Variants in PLCZ1 observed in about 807,000 individuals in gnomAD.
The protein encoded by PLCZ1 is 1-phosphatidylinositol 4,5-bisphosphate phosphodiesterase zeta-1.
In PLCZ1, 64 loss-of-function variants were observed where a neutral mutation model predicts 76.8. The ratio of observed to expected loss-of-function variants is 0.83; its 90% CI spans 0.68 to 1.03. The LOEUF (loss-of-function observed/expected upper bound fraction) is 1.03. PLCZ1 is among the 50% of genes least tolerant of loss of function. PLCZ1 has a pLI of 0.00. For synonymous variants in PLCZ1, 248 were observed against 230.8 expected, an observed-to-expected ratio of 1.07 and a Z score of -0.68; for missense variants, 751 against 713.7, an observed-to-expected ratio of 1.05 and a Z score of -0.60.
At chr12:18,711,483 A>G (rs929762399) in intron 6 of PLCZ1, among the ~76,000 whole-genome samples, 6 of 150,888 alleles carry the variant, frequency 4.0e-5, no homozygotes, top group Non-Finnish European at 7.4e-5. Context: ...ATGTATCCAT[A>G]TGTAACAAAC....
chr12:18,708,216 A>G (rs1456309272), intron 6 of PLCZ1, among the ~76,000 whole-genome samples: 1 of 152,044 alleles, frequency 6.6e-6, no homozygotes, highest in Non-Finnish European at 1.5e-5. Flanking sequence ...TTGGTTATCT[A>G]TCTCTGTACA....
At chr12:18,669,246 C>T in the PLCZ1 span, among the ~76,000 whole-genome samples, 1 of 152,134 alleles carries the variant, frequency 6.6e-6, no homozygotes, top group Non-Finnish European at 1.5e-5. Context: ...GACATGAAGT[C>T]AGGCAATCAA....
At chr12:18,705,052 G>A in intron 7 of PLCZ1, 114 bp downstream of exon 7, 1 of 1,315,734 alleles carries the variant, frequency 7.6e-7, no homozygotes, top group East Asian at 2.3e-5. Context: ...CTCTATACGT[G>A]ATCAAAACTA....
Position 18,688,137 on chromosome 12 carries a change from C to T in PLCZ1, c.1543G>A (p.Val515Ile). 6.2e-7 allele frequency: 1 copy of T among 1,611,550 alleles called. No individual in the cohort carries two copies. Among genetic ancestry groups the T allele is most frequent in the Non-Finnish European group, 8.5e-7 (1 of 1,179,024 alleles). The change falls in exon 13 of 15, where the codon GTT (valine) becomes ATT (isoleucine). Residue 515 changes from valine (V) to isoleucine (I), a missense_variant. Val to Ile is a conservative substitution (Grantham distance 29). Transcript: ENST00000266505. Reference sequence around the variant, plus strand: ...TGCTGCTTCATTTGATCATTTGGAACACCAAAAACTTCTATAATTACTAAT... The same window carrying T: ...TGCTGCTTCATTTGATCATTTGGAATACCAAAAACTTCTATAATTACTAAT... ...DSLVIIEVFG[V>I]PNDQMKQQTR...
At chr12:18,723,259 A>C in intron 4 of PLCZ1, 52 bp downstream of exon 4, 1 of 1,485,976 alleles carries the variant, frequency 6.7e-7, no homozygotes, top group Non-Finnish European at 9.1e-7. Flanking sequence ...TGAAAAAAGA[A>C]AAAATACTTC....
At chr12:18,678,467 T>C (rs1952145154), downstream of PLCZ1, among the ~76,000 whole-genome samples, 1 of 151,992 alleles carries the variant, frequency 6.6e-6, no homozygotes, top group Non-Finnish European at 1.5e-5. Context: ...AACACTTCCA[T>C]CCATGCCAAA....
At chr12:18,698,889 T>C (rs76505898) in intron 10 of PLCZ1, among the ~76,000 whole-genome samples, 2 of 152,138 alleles carry the variant, frequency 1.3e-5, no homozygotes. Context: ...AACTATAGTT[T>C]TGTATCCATT....
intron 12 of PLCZ1, among the ~76,000 whole-genome samples, chr12:18,689,552 C>A (rs555133573): frequency 4.8e-4 from 73 of 152,244 alleles, no homozygotes; most frequent in African/African-American, 1.7e-3. Context: ...ATATTGGACA[C>A]CCCTGGTTTA....
chr12:18,710,249 A>C (rs1233516477), intron 6 of PLCZ1, among the ~76,000 whole-genome samples: 1 of 149,902 alleles, frequency 6.7e-6, no homozygotes, highest in African/African-American at 2.5e-5. Context: ...TTTGAATTTT[A>C]AGACTGTCAC....
At chr12:18,668,441 C>G in the PLCZ1 span, among the ~76,000 whole-genome samples, 18 of 152,308 alleles carry the variant, frequency 1.2e-4, no homozygotes, top group East Asian at 3.5e-3. Context: ...GGAACCCAAC[C>G]TACACACATG....
the PLCZ1 span, among the ~76,000 whole-genome samples, chr12:18,675,313 T>C: frequency 6.6e-6 from 1 of 152,108 alleles, no homozygotes. Flanking sequence ...AGCCACTCTG[T>C]TTTGGGGAAA....
chr12:18,696,033 G>GC, intron 11 of PLCZ1, 117 bp downstream of exon 11: 1 of 598,596 alleles, frequency 1.7e-6, no homozygotes, highest in Non-Finnish European at 3.0e-6. Flanking sequence ...TGACCCCAAA[G>GC]CCCCCGGGCT....
chr12:18,670,105 T>C, the PLCZ1 span, among the ~76,000 whole-genome samples: 1 of 152,148 alleles, frequency 6.6e-6, no homozygotes, highest in African/African-American at 2.4e-5. Context: ...AATATGAATT[T>C]GGGAATGTTT....
intron 6 of PLCZ1, among the ~76,000 whole-genome samples, chr12:18,708,129 G>A (rs182603540): frequency 6.1e-4 from 92 of 152,048 alleles, no homozygotes; most frequent in African/African-American, 2.1e-3. Context: ...TCCTACATAT[G>A]TGCTACTTTG....
At chr12:18,663,654 A>T in the PLCZ1 span, among the ~76,000 whole-genome samples, 1 of 152,090 alleles carries the variant, frequency 6.6e-6, no homozygotes, top group African/African-American at 2.4e-5. Flanking sequence ...AGAAAAAAAA[A>T]CATAGGACAA....
Position 18,694,921 on chromosome 12 carries a change from G to A in PLCZ1, c.1450C>T (p.Leu484Phe), listed in dbSNP as rs1296499986. ...SNIKEGMPIT[L>F]TIRLISGIQL... is the part of the protein sequence containing the mutation. Reference sequence around the variant, plus strand: ...TTTATTAATCTTACCCTTATTGTAAGTGTAATTGGCATACCCTCTTTTATG... The same window carrying A: ...TTTATTAATCTTACCCTTATTGTAAATGTAATTGGCATACCCTCTTTTATG... The change falls in exon 12 of 15, where the codon CTT (leucine) becomes TTT (phenylalanine). Residue 484 changes from leucine (L) to phenylalanine (F), a missense_variant. Physicochemically the swap from Leu to Phe is conservative, Grantham distance 22 (BLOSUM62 0). Coordinates refer to ENST00000266505, the MANE Select transcript of PLCZ1 (RefSeq NM_033123.4). The A allele has an allele frequency of 1.3e-6, 2 of 1,593,318 alleles. No homozygotes were observed. The highest frequency in any genetic ancestry group is 2.2e-5 in the South Asian group (2 of 90,216).
chr12:18,653,462 G>A, the PLCZ1 span, among the ~76,000 whole-genome samples: 8 of 152,104 alleles, frequency 5.3e-5, no homozygotes, highest in African/African-American at 1.9e-4. Flanking sequence ...CCTGATATTT[G>A]AACAGTGACT....
Position 18,693,920 on chromosome 12 carries a change from G to A in PLCZ1, c.1461+990C>T, listed in dbSNP as rs1464284214. 6 of 1,526,938 alleles carry A rather than the reference G, an allele frequency of 3.9e-6. No homozygotes were observed. In the African/African-American group the frequency reaches 4.1e-5, roughly 10 times the overall value. The allele number at this position is 1,526,938 out of a possible 1,614,324, so 94.6% of individuals were successfully genotyped here. A position where few individuals can be genotyped will look rare whatever the true frequency, so the allele number is the denominator to read the frequency against. On this transcript the variant is annotated intron_variant, in intron 12 of 14. Coordinates refer to ENST00000266505, the MANE Select transcript of PLCZ1 (RefSeq NM_033123.4). ...GCTGGCTGATGATGTAACCCTGCAC[G>A]ACTTGATCATGGCTAAAGATGACCT...
the PLCZ1 span, among the ~76,000 whole-genome samples, chr12:18,664,155 C>G: frequency 6.6e-6 from 1 of 152,144 alleles, no homozygotes; most frequent in East Asian, 1.9e-4. Context: ...AGAATTGGAA[C>G]GCTTATGTAC....
Sources: allele counts gnomAD v4.1 joint callset (sites outside exome capture counted in the v4.1 genomes callset), GRCh38; gene constraint gnomAD v4.1.1; transcripts MANE v1.5; gene names NCBI Gene and HGNC (gene_info 2026-07-23, HGNC 2026-07-21).